Variants in RAB14 observed in about 807,000 individuals in gnomAD.
RAB14 encodes the protein RAB14, member RAS oncogene family.
RAB14 carries 3 observed loss-of-function variants against 31.1 expected under a neutral mutation model. That is an observed-to-expected ratio of 0.10 (90% CI 0.04 to 0.25). The LOEUF is 0.25. Among genes scored for constraint, RAB14 ranks in the 10% least tolerant of loss-of-function variants. The pLI is 1.00. For synonymous variants in RAB14, 85 were observed against 84.9 expected (o/e 1.00, Z 0.00); for missense variants, 111 against 260.1 (o/e 0.43, Z 3.94).
chr9:121,183,214 T>TA lies in RAB14; in HGVS notation c.439+96dup, dbSNP rs1416355546. On this transcript the variant is annotated intron_variant, in intron 6 of 7. Coordinates refer to ENST00000373840, the MANE Select transcript of RAB14 (RefSeq NM_016322.4). ...TTCTTGAGATTTCTGAGTCTGCATT[T>TA]AAAAAAAAAATGCAAAAAAAAACCA... The TA allele has an allele frequency of 2.6e-3, 2,144 of 834,870 alleles. 1 individual carries two copies. The highest frequency in any genetic ancestry group is 2.9e-3 in the Non-Finnish European group (1,638 of 555,538). 51.7% of individuals were successfully genotyped at this position (834,870 alleles called of 1,614,324 possible). A position where few individuals can be genotyped will look rare whatever the true frequency, so the allele number is the denominator to read the frequency against.
At position 121,180,570 on chromosome 9, in the gene RAB14, T is replaced by G. The variant is rs1035569240; in HGVS notation, c.*826A>C. ...GGTGGAGCCAGTACTACTTGTGAAC[T>G]GCAGTTGTGTCTATTTCTTTGTGTG... On this transcript the variant is annotated 3_prime_UTR_variant, in exon 8 of 8. Transcript: ENST00000373840. The G allele has an allele frequency of 1.3e-5, 2 of 152,634 alleles. No individual in the cohort carries two copies. The highest frequency in any genetic ancestry group is 2.9e-5 in the Non-Finnish European group (2 of 68,052). 9.5% of individuals were successfully genotyped at this position (152,634 alleles called of 1,614,324 possible). A position where few individuals can be genotyped will look rare whatever the true frequency, so the allele number is the denominator to read the frequency against.
chr9:121,181,073 A>T lies in RAB14; in HGVS notation c.*323T>A, dbSNP rs193224233. ...GTACAGTGAGACAAAGCCTTGCCAA[A>T]GGGAGGGTAAAAATCATGAAGTCCA... On this transcript the variant is annotated 3_prime_UTR_variant, in exon 8 of 8. Transcript: ENST00000373840. The T allele has an allele frequency of 9.8e-6, 2 of 203,556 alleles. No homozygotes were observed. The highest frequency in any genetic ancestry group is 1.2e-4 in the Admixed American group (2 of 17,386). The allele number at this position is 203,556 out of a possible 1,614,324, so 12.6% of individuals were successfully genotyped here.
Position 121,181,487 on chromosome 9 carries a change from G to A in RAB14, c.557C>T (p.Ala186Val). 6.2e-7 allele frequency: 1 copy of A among 1,613,654 alleles called. No individual in the cohort carries two copies. The highest frequency in any genetic ancestry group is 8.5e-7 in the Non-Finnish European group (1 of 1,179,654). ...IQDGSLDLNA[A>V]ESGVQHKPSA... is the part of the protein sequence containing the mutation. The stretch of plus-strand genomic sequence containing the variant: ...AGGTTTGTGTTGTACACCAGACTCA[G>A]CAGCATTCAGATCCAAGCTTCCATC... Residue 186 changes from alanine to valine, a missense_variant, in exon 8 of 8, where the codon GCT (alanine) becomes GTT (valine). By Grantham distance (64) the Ala-to-Val change is moderately conservative. Coordinates refer to ENST00000373840, the MANE Select transcript of RAB14 (RefSeq NM_016322.4).
rs1157366335 is a variant in RAB14, at chr9:121,193,351, A to G, written c.52+10T>C. The G allele has an allele frequency of 6.5e-7, 1 of 1,548,316 alleles. No individual in the cohort carries two copies. The highest frequency in any genetic ancestry group is 2.3e-5 in the East Asian group (1 of 43,604). On this transcript the variant is annotated intron_variant, in intron 2 of 7. Transcript: ENST00000373840. ...TTTTGGGAACAAGAGTGTAAGTTAAATAAACTTACCAATAATAATATATTT... is the reference window on the plus strand; with the variant it reads ...TTTTGGGAACAAGAGTGTAAGTTAAGTAAACTTACCAATAATAATATATTT...
chr9:121,192,301 T>A (rs1274786961), intron 2 of RAB14, 77 bp from the exon 3 acceptor site: 1 of 1,032,894 alleles, frequency 9.7e-7, no homozygotes, highest in African/African-American at 1.7e-5. Flanking sequence ...TTCCTTACCA[T>A]ATAACATATC....
rs924010952 is a variant in RAB14 at position 121,179,165 on chromosome 9, A to T, written c.*2231T>A. The T allele has an allele frequency of 6.6e-6, 1 of 152,246 alleles. No individual in the cohort carries two copies. The highest frequency in any genetic ancestry group is 2.4e-5 in the African/African-American group (1 of 41,458). 9.4% of individuals were successfully genotyped at this position (152,246 alleles called of 1,614,324 possible). On this transcript the variant is annotated 3_prime_UTR_variant, in exon 8 of 8. Transcript: ENST00000373840. Reference sequence around the variant, plus strand: ...CTATTACTTAGTGATGTGGTTTTATATGCTACATACGTAGACCTCTCTTTA... The same window carrying T: ...CTATTACTTAGTGATGTGGTTTTATTTGCTACATACGTAGACCTCTCTTTA...
At chr9:121,190,752 T>C (rs375776380) in intron 3 of RAB14, 21 bp from the exon 4 acceptor site, 14 of 1,607,936 alleles carry the variant, frequency 8.7e-6, no homozygotes, top group African/African-American at 1.3e-5. Context: ...GGAAAAAAAG[T>C]AATAGCCCAA....
intron 1 of RAB14, among the ~76,000 whole-genome samples, chr9:121,199,076 T>A (rs566329299): frequency 1.3e-5 from 2 of 152,194 alleles, no homozygotes; most frequent in African/African-American, 4.8e-5. Flanking sequence ...TAAAGTATTC[T>A]AATACTGGAC....
At chr9:121,193,301 A>G in intron 2 of RAB14, 60 bp downstream of exon 2, 2 of 1,160,478 alleles carry the variant, frequency 1.7e-6, no homozygotes, top group Non-Finnish European at 2.5e-6. Flanking sequence ...GTATTAACAT[A>G]TAAATATTTT....
At chr9:121,181,703 T>TACCA in intron 7 of RAB14, 130 bp from the exon 8 acceptor site, 1 of 553,124 alleles carries the variant, frequency 1.8e-6, no homozygotes, top group Non-Finnish European at 3.0e-6. Context: ...AATAAGAGAT[T>TACCA]ACCAGAACAC....
At chr9:121,195,022 G>C (rs1359086) in intron 1 of RAB14, among the ~76,000 whole-genome samples, 59,589 of 151,890 alleles carry the variant, frequency 0.39, 13,215 homozygotes, top group South Asian at 0.65. Context: ...AGGAAAGGGA[G>C]TTTTTCTAGT....
rs1385365521 is a variant in RAB14, at chr9:121,180,834, T to C, written c.*562A>G. The C allele has an allele frequency of 6.6e-6, 1 of 152,626 alleles. No homozygotes were observed. The highest frequency in any genetic ancestry group is 6.5e-5 in the Admixed American group (1 of 15,280). The allele number at this position is 152,626 out of a possible 1,614,324, so 9.5% of individuals were successfully genotyped here. ...GCACGAGAGAGAAGATAAATGGATA[T>C]TTTCCCTGTGTGAGGCTAAGACAGA... On this transcript the variant is annotated 3_prime_UTR_variant, in exon 8 of 8. Transcript: ENST00000373840.
chr9:121,193,101 A>C (rs549635243), intron 2 of RAB14, among the ~76,000 whole-genome samples: 2 of 152,258 alleles, frequency 1.3e-5, no homozygotes, highest in East Asian at 3.9e-4. Context: ...ACTTCCTAGC[A>C]TCAAAAAGCT....
intron 2 of RAB14, among the ~76,000 whole-genome samples, chr9:121,192,524 T>C (rs1244640745): frequency 6.6e-6 from 1 of 152,168 alleles, no homozygotes; most frequent in Non-Finnish European, 1.5e-5. Flanking sequence ...CAAAATTTTA[T>C]GTTTTTGTTT....
intron 7 of RAB14, 98 bp downstream of exon 7, chr9:121,182,831 AC>A: frequency 1.2e-6 from 1 of 843,614 alleles, no homozygotes; most frequent in Non-Finnish European, 1.7e-6. Context: ...TATAGATAGT[AC>A]TTTATATGTG....
rs1204336526 is a variant in RAB14, at chr9:121,179,037, A to C, written c.*2359T>G. 6.6e-6 allele frequency: 1 copy of C among 152,222 alleles called. No homozygotes were observed. 9.4% of individuals were successfully genotyped at this position (152,222 alleles called of 1,614,324 possible). A position where few individuals can be genotyped will look rare whatever the true frequency, so the allele number is the denominator to read the frequency against. On this transcript the variant is annotated 3_prime_UTR_variant, in exon 8 of 8. Transcript: ENST00000373840. The stretch of plus-strand genomic sequence containing the variant: ...ATAGAATCTGGCTCCCGGTACAGTC[A>C]AAGGAGAACAGCATCAGCCACCAAA...
rs756665389 is a variant in RAB14 at position 121,179,812 on chromosome 9, T to C, written c.*1584A>G. 1.3e-5 allele frequency: 2 copies of C among 152,622 alleles called. No homozygotes were observed. The highest frequency in any genetic ancestry group is 2.9e-5 in the Non-Finnish European group (2 of 68,044). 9.5% of individuals were successfully genotyped at this position (152,622 alleles called of 1,614,324 possible). ...AGATGTACTTTTATGTTAGTGTCTG[T>C]AAAGAGGGATTTAAAATGTGTATTT... On this transcript the variant is annotated 3_prime_UTR_variant, in exon 8 of 8. Coordinates refer to ENST00000373840, the MANE Select transcript of RAB14 (RefSeq NM_016322.4).
rs147006720 is a variant in RAB14 at position 121,179,966 on chromosome 9, G to C, written c.*1430C>G. On this transcript the variant is annotated 3_prime_UTR_variant, in exon 8 of 8. Transcript: ENST00000373840. ...AATAAAAAAAATCAACAGAAATGAA[G>C]AACTTAATAAAACATGTTGTCCAAA... 1.2e-4 allele frequency: 19 copies of C among 152,540 alleles called. No homozygotes were observed. The highest frequency in any genetic ancestry group is 4.1e-4 in the African/African-American group (17 of 41,506). 9.4% of individuals were successfully genotyped at this position (152,540 alleles called of 1,614,324 possible).
chr9:121,196,022 T>C (rs2053713571), intron 1 of RAB14, among the ~76,000 whole-genome samples: 1 of 152,118 alleles, frequency 6.6e-6, no homozygotes, highest in Non-Finnish European at 1.5e-5. Flanking sequence ...GAGGAATATA[T>C]TTTTACCTAA....
Sources: allele counts gnomAD v4.1 joint callset (sites outside exome capture counted in the v4.1 genomes callset), GRCh38; gene constraint gnomAD v4.1.1; transcripts MANE v1.5; gene names NCBI Gene and HGNC (gene_info 2026-07-23, HGNC 2026-07-21).